The following CTNNA2 variants were observed in gnomAD, a reference collection of about 807,000 sequenced individuals.
CTNNA2 encodes the protein catenin alpha 2, also known as catenin alpha-2.
Under a neutral mutation model 101.0 loss-of-function variants are expected in CTNNA2, and 42 were observed. The ratio of observed to expected loss-of-function variants is 0.42; its 90% CI spans 0.32 to 0.54. The LOEUF (loss-of-function observed/expected upper bound fraction) is 0.54, where lower values mean the gene tolerates loss of function less well. CTNNA2 is among the 20% of genes least tolerant of loss of function. The pLI is 0.14. For missense variants in CTNNA2, 871 were observed against 1,223.1 expected (o/e 0.71, Z 4.29); for synonymous variants, 450 against 456.4 (o/e 0.99, Z 0.18).
At chr2:79,675,361 CTT>C (rs1336495519) in intron 2 of CTNNA2, among the ~76,000 whole-genome samples, 1 of 151,990 alleles carries the variant, frequency 6.6e-6, no homozygotes, top group African/African-American at 2.4e-5. Flanking sequence ...TATTAATAGA[CTT>C]AGGATTCTGG....
chr2:79,332,499 C>G (rs1676897767), intron 3 of CTNNA2, among the ~76,000 whole-genome samples: 1 of 152,148 alleles, frequency 6.6e-6, no homozygotes, highest in Admixed American at 6.6e-5. Flanking sequence ...CCACTTCTCT[C>G]TCCTTGGGGA....
At chr2:79,781,052 A>G (rs1674384349) in intron 3 of CTNNA2, among the ~76,000 whole-genome samples, 1 of 152,210 alleles carries the variant, frequency 6.6e-6, no homozygotes, top group Admixed American at 6.5e-5. Flanking sequence ...AAGCAAGTTT[A>G]TTAGAAAAGT....
intron 7 of CTNNA2, among the ~76,000 whole-genome samples, chr2:80,043,923 G>C (rs1290000096): frequency 6.6e-6 from 1 of 152,282 alleles, no homozygotes; most frequent in Non-Finnish European, 1.5e-5. Context: ...GTGTGTGTTT[G>C]TGCATGTATG....
upstream of CTNNA2, among the ~76,000 whole-genome samples, chr2:79,511,783 G>C (rs540633447): frequency 1.3e-5 from 2 of 152,066 alleles, no homozygotes; most frequent in Non-Finnish European, 2.9e-5. Flanking sequence ...GAAGCAAAAG[G>C]GGGGAGGGAA....
chr2:79,861,246 CA>C (rs1681601566), intron 4 of CTNNA2, among the ~76,000 whole-genome samples: 1 of 152,182 alleles, frequency 6.6e-6, no homozygotes, highest in South Asian at 2.1e-4. Flanking sequence ...AAGTGTTACA[CA>C]TAGTATTCTA....
At chr2:80,578,521 A>C (rs1337870423) in intron 13 of CTNNA2, among the ~76,000 whole-genome samples, 1 of 152,122 alleles carries the variant, frequency 6.6e-6, no homozygotes, top group Non-Finnish European at 1.5e-5. Flanking sequence ...TGTGTAATTC[A>C]AAAAAGAATG....
chr2:79,303,272 G>A (rs1241319328), intron 2 of CTNNA2, among the ~76,000 whole-genome samples: 2 of 152,184 alleles, frequency 1.3e-5, no homozygotes, highest in Non-Finnish European at 2.9e-5. Context: ...TGAATGAGGT[G>A]TGGGCTAAGA....
chr2:79,950,273 T>C (rs1438573357), intron 7 of CTNNA2, among the ~76,000 whole-genome samples: 3 of 152,332 alleles, frequency 2.0e-5, no homozygotes, highest in Admixed American at 1.3e-4. Context: ...TTTGTCCCTT[T>C]CTGTAAATTT....
chr2:79,214,533 C>G (rs748999979), intron 2 of CTNNA2, among the ~76,000 whole-genome samples: 1 of 152,044 alleles, frequency 6.6e-6, no homozygotes, highest in Non-Finnish European at 1.5e-5. Flanking sequence ...GGCTTTAATC[C>G]TTTTAAAGCG....
At chr2:79,457,804 C>T (rs2104532597) in intron 4 of CTNNA2, among the ~76,000 whole-genome samples, 1 of 152,332 alleles carries the variant, frequency 6.6e-6, no homozygotes, top group South Asian at 2.1e-4. Context: ...CATAAGCCCA[C>T]TTGCTCACTC....
At chr2:79,765,720 A>T (rs1673104630) in intron 3 of CTNNA2, among the ~76,000 whole-genome samples, 1 of 152,204 alleles carries the variant, frequency 6.6e-6, no homozygotes, top group Admixed American at 6.5e-5. Context: ...ATCCTCAAAG[A>T]TAAAGTTAAA....
chr2:80,594,640 T>C (rs1244085937), intron 15 of CTNNA2, among the ~76,000 whole-genome samples: 1 of 152,096 alleles, frequency 6.6e-6, no homozygotes, highest in Non-Finnish European at 1.5e-5. Context: ...CTTTAGTTCT[T>C]ATGGTTAGGT....
chr2:79,795,588 A>C (rs2105272886), intron 3 of CTNNA2, among the ~76,000 whole-genome samples: 1 of 152,256 alleles, frequency 6.6e-6, no homozygotes, highest in East Asian at 1.9e-4. Flanking sequence ...TGTACTATTA[A>C]ATGACTTTCT....
At chr2:79,817,490 A>G (rs1323570633) in intron 3 of CTNNA2, among the ~76,000 whole-genome samples, 1 of 151,916 alleles carries the variant, frequency 6.6e-6, no homozygotes, top group Admixed American at 6.6e-5. Context: ...AGAGGGCTGC[A>G]CTTCCACTCC....
intron 1 of CTNNA2, among the ~76,000 whole-genome samples, chr2:79,577,985 G>T (rs538770193): frequency 2.0e-5 from 3 of 152,136 alleles, no homozygotes; most frequent in Admixed American, 6.5e-5. Flanking sequence ...AAGCTCATAC[G>T]TGTGAATGTT....
chr2:79,623,759 T>C (rs1679135511), intron 1 of CTNNA2, among the ~76,000 whole-genome samples: 1 of 152,144 alleles, frequency 6.6e-6, no homozygotes, highest in Admixed American at 6.5e-5. Context: ...AGAAGTTGAA[T>C]TTTTCATGAT....
intron 2 of CTNNA2, among the ~76,000 whole-genome samples, chr2:79,269,795 A>G (rs1183917137): frequency 6.6e-6 from 1 of 152,068 alleles, no homozygotes. Flanking sequence ...CAGTTCCTAG[A>G]GGGCAAGAAC....
chr2:79,462,594 G>A (rs546844052), intron 4 of CTNNA2, among the ~76,000 whole-genome samples: 2 of 152,328 alleles, frequency 1.3e-5, no homozygotes, highest in African/African-American at 4.8e-5. Flanking sequence ...TGTCAGTATA[G>A]GAAATGTGTC....
chr2:79,340,597 G>A (rs1323707729), intron 3 of CTNNA2, among the ~76,000 whole-genome samples: 12 of 152,226 alleles, frequency 7.9e-5, no homozygotes, highest in Non-Finnish European at 1.2e-4. Flanking sequence ...ACTTTGGGAG[G>A]CCAAGGCGGG....
Sources: allele counts gnomAD v4.1 joint callset (sites outside exome capture counted in the v4.1 genomes callset), GRCh38; gene constraint gnomAD v4.1.1; transcripts MANE v1.5; gene names NCBI Gene and HGNC (gene_info 2026-07-23, HGNC 2026-07-21).